The following SH3RF1 variants were observed in gnomAD, a reference collection of about 807,000 sequenced individuals.
The protein encoded by SH3RF1 is E3 ubiquitin-protein ligase SH3RF1.
SH3RF1 carries 32 observed loss-of-function variants against 74.0 expected under a neutral mutation model. The ratio of observed to expected loss-of-function variants is 0.43; its 90% CI spans 0.33 to 0.58. The LOEUF (loss-of-function observed/expected upper bound fraction) is 0.58, where lower values mean the gene tolerates loss of function less well. Among genes scored for constraint, SH3RF1 ranks in the 20% least tolerant of loss-of-function variants. The pLI, the probability that SH3RF1 is intolerant of heterozygous loss-of-function variation, is 0.05. For missense variants in SH3RF1, 954 were observed against 1,130.9 expected (o/e 0.84, Z 2.24); for synonymous variants, 396 against 439.6 (o/e 0.90, Z 1.24).
In SH3RF1 at chr4:169,269,190, T is replaced by A; in HGVS notation, c.23A>T (p.Asp8Val). ...TAGACACACCGGACACTCCAAAAGA[T>A]CCAACAAGGCTGATTCATCCATCTT... MDESALLDLLECPVCLER... is the reference protein window; with the variant it reads MDESALLVLLECPVCLER... Residue 8 changes from aspartate to valine, a missense_variant, in exon 2 of 12, where the codon GAT becomes GTT. By Grantham distance (152) the Asp-to-Val change is radical (BLOSUM62 -3). Coordinates refer to ENST00000284637, the MANE Select transcript of SH3RF1 (RefSeq NM_020870.4). The A allele has an allele frequency of 6.3e-7, 1 of 1,593,702 alleles. No homozygotes were observed. Among genetic ancestry groups the A allele is most frequent in the Non-Finnish European group, 8.5e-7 (1 of 1,172,996 alleles).
chr4:169,203,982 A>T lies in SH3RF1; in HGVS notation c.394-47303T>A, dbSNP rs1259946185. 9 of 152,220 alleles carry T rather than the reference A, an allele frequency of 5.9e-5. No individual in the cohort carries two copies. In the South Asian group the frequency reaches 1.9e-3, roughly 32 times the overall value. 9.4% of individuals were successfully genotyped at this position (152,220 alleles called of 1,614,324 possible). On this transcript the variant is annotated intron_variant, in intron 2 of 11. Transcript: ENST00000284637. ...TTTTTATCCCACAGGACTACTATGA[A>T]GAAAGCGCCTGGCATAATCTTGGCA...
At chr4:169,250,205 T>C (rs753008698) in intron 2 of SH3RF1, among the ~76,000 whole-genome samples, 3 of 152,202 alleles carry the variant, frequency 2.0e-5, no homozygotes, top group Non-Finnish European at 2.9e-5. Flanking sequence ...TTTAAAAGTA[T>C]GAACACTGAA....
chr4:169,130,463 T>C (rs1733598724), intron 5 of SH3RF1, among the ~76,000 whole-genome samples: 1 of 152,182 alleles, frequency 6.6e-6, no homozygotes. Context: ...CCACCATGAA[T>C]CAAACTGGCC....
chr4:169,132,593 C>T (rs1165385149), intron 5 of SH3RF1, among the ~76,000 whole-genome samples: 1 of 151,822 alleles, frequency 6.6e-6, no homozygotes, highest in Non-Finnish European at 1.5e-5. Flanking sequence ...TGAATAGGGA[C>T]AACCTGAGTT....
chr4:169,122,143 T>C lies in SH3RF1; in HGVS notation c.1303A>G (p.Thr435Ala). 34 of 1,613,130 alleles carry C rather than the reference T, an allele frequency of 2.1e-5. No homozygotes were observed. The highest frequency in any genetic ancestry group is 2.9e-5 in the Non-Finnish European group (34 of 1,180,024). Residue 435 changes from threonine (T) to alanine (A), a missense_variant, in exon 7 of 12, where the codon ACT (threonine) becomes GCT (alanine). By Grantham distance (58) the Thr-to-Ala change is moderately conservative (BLOSUM62 0). Transcript: ENST00000284637. ...GGCCGTAAATGTGCAATCTGGTCAG[T>C]GGATCCTGCCATGGGCCTCGGTCCC... ...GMGPRPMAGS[T>A]DQIAHLRPQT...
chr4:169,183,750 T>TTA (rs1734554018), intron 2 of SH3RF1, among the ~76,000 whole-genome samples: 1 of 140,246 alleles, frequency 7.1e-6, no homozygotes, highest in South Asian at 2.3e-4. Flanking sequence ...GCTGTCTCTT[T>TTA]AAAAAAAAAA....
rs112686588 is a variant in SH3RF1 at position 169,165,135 on chromosome 4, A to G, written c.394-8456T>C. 5.1e-3 allele frequency among the ~76,000 whole-genome samples: 778 copies of G among 152,306 alleles called. 6 individuals carry two copies. Among genetic ancestry groups the G allele is most frequent in the African/African-American group, 0.017 (714 of 41,560 alleles). On this transcript the variant is annotated intron_variant, in intron 2 of 11. Coordinates refer to ENST00000284637, the MANE Select transcript of SH3RF1 (RefSeq NM_020870.4). ...GAAGACTCATCACAGGATGGGGACT[A>G]TTTCCTGGGAAAAGGTCAAGTTTCT...
At position 169,191,101 on chromosome 4, in the gene SH3RF1, C is replaced by T. The variant is rs573219683; in HGVS notation, c.394-34422G>A. ...TGTAATAAAAGCCATCTATGACAAA[C>T]CCACAGCCAACATAATACTAAATGG... On this transcript the variant is annotated intron_variant, in intron 2 of 11. Transcript: ENST00000284637. Among the ~76,000 whole-genome samples the T allele has an allele frequency of 2.6e-5, 4 of 152,162 alleles. No homozygotes were observed. The East Asian group carries it at 7.7e-4, about 29-fold the overall frequency.
chr4:169,205,036 G>T (rs1189848208), intron 2 of SH3RF1, among the ~76,000 whole-genome samples: 4 of 152,182 alleles, frequency 2.6e-5, no homozygotes, highest in Non-Finnish European at 5.9e-5. Flanking sequence ...ACATTAAAAG[G>T]GAAATTTACT....
chr4:169,259,246 C>T (rs1311476784), intron 2 of SH3RF1, among the ~76,000 whole-genome samples: 1 of 152,176 alleles, frequency 6.6e-6, no homozygotes, highest in Non-Finnish European at 1.5e-5. Context: ...AAATGCTCAA[C>T]ATTGACAGCC....
intron 5 of SH3RF1, 74 bp from the exon 6 acceptor site, chr4:169,130,230 A>C: frequency 9.5e-7 from 1 of 1,054,002 alleles, no homozygotes; most frequent in Non-Finnish European, 1.3e-6. Flanking sequence ...AAACCTTAGA[A>C]AGGCAAGTCA....
chr4:169,188,351 T>C (rs1421372231), intron 2 of SH3RF1, among the ~76,000 whole-genome samples: 2 of 152,190 alleles, frequency 1.3e-5, no homozygotes, highest in Non-Finnish European at 2.9e-5. Context: ...TACTTCATAC[T>C]AACAACCACA....
At chr4:169,184,661 T>C (rs1423545174) in intron 2 of SH3RF1, among the ~76,000 whole-genome samples, 2 of 152,214 alleles carry the variant, frequency 1.3e-5, no homozygotes, top group Non-Finnish European at 2.9e-5. Context: ...GGAAGGCTGG[T>C]AGAGAAAAGA....
intron 11 of SH3RF1, among the ~76,000 whole-genome samples, chr4:169,102,337 T>A (rs974233401): frequency 6.6e-6 from 1 of 152,104 alleles, no homozygotes; most frequent in African/African-American, 2.4e-5. Context: ...TCTATCTCTA[T>A]CCAATTTGTA....
At chr4:169,197,418 A>G (rs1446902476) in intron 2 of SH3RF1, among the ~76,000 whole-genome samples, 1 of 152,036 alleles carries the variant, frequency 6.6e-6, no homozygotes, top group Non-Finnish European at 1.5e-5. Flanking sequence ...TGAGGTCAGG[A>G]GTTCAAAAAC....
At chr4:169,107,276 T>G in intron 10 of SH3RF1, 71 bp from the exon 11 acceptor site, 7 of 1,320,652 alleles carry the variant, frequency 5.3e-6, no homozygotes, top group Non-Finnish European at 7.2e-6. Flanking sequence ...TAAAGGGCCC[T>G]ATAGTTCATT....
chr4:169,094,775 TG>T lies in SH3RF1; in HGVS notation c.*1743del, dbSNP rs1041791979. ...CAACACACAGGAACATAATATACATTGTTTTTTTTTAAAAAAAAGGTTAATT... is the reference window on the plus strand; with the variant it reads ...CAACACACAGGAACATAATATACATTTTTTTTTTTAAAAAAAAGGTTAATT... On this transcript the variant is annotated 3_prime_UTR_variant, in exon 12 of 12. Transcript: ENST00000284637. 5.3e-5 allele frequency: 8 copies of T among 150,944 alleles called. No homozygotes were observed. Among genetic ancestry groups the T allele is most frequent in the South Asian group, 4.2e-4 (2 of 4,800 alleles). The allele number at this position is 150,944 out of a possible 1,614,324, so 9.4% of individuals were successfully genotyped here. A position where few individuals can be genotyped will look rare whatever the true frequency, so the allele number is the denominator to read the frequency against.
At chr4:169,194,037 G>A (rs541519842) in intron 2 of SH3RF1, among the ~76,000 whole-genome samples, 22 of 152,092 alleles carry the variant, frequency 1.4e-4, no homozygotes, top group South Asian at 6.2e-4. Context: ...TACTACCTTC[G>A]TAGTCAGCAT....
chr4:169,155,889 T>G (rs534463256), intron 3 of SH3RF1, among the ~76,000 whole-genome samples: 1 of 152,178 alleles, frequency 6.6e-6, no homozygotes, highest in South Asian at 2.1e-4. Flanking sequence ...TTTAGATTGA[T>G]TCTCAGATGC....
Sources: gnomAD v4.1 joint callset for allele counts (sites outside exome capture counted in the v4.1 genomes callset) on GRCh38, gnomAD v4.1.1 for gene constraint, MANE v1.5 for transcripts, NCBI Gene and HGNC (gene_info 2026-07-23, HGNC 2026-07-21) for gene names.